Variants in MCTP1 observed in about 807,000 individuals in gnomAD.
The protein encoded by MCTP1 is multiple C2 and transmembrane domain-containing protein 1.
MCTP1 carries 69 observed loss-of-function variants against 120.6 expected under a neutral mutation model. The observed-to-expected ratio is 0.57, with a 90% CI of 0.47 to 0.70. The LOEUF is 0.70. Among genes scored for constraint, MCTP1 ranks in the 30% least tolerant of loss-of-function variants. The pLI, the probability that MCTP1 is intolerant of heterozygous loss-of-function variation, is 0.00. For synonymous variants in MCTP1, 529 were observed against 493.1 expected (o/e 1.07, Z -0.96); for missense variants, 1,203 against 1,248.8 (o/e 0.96, Z 0.55).
rs34823284 is a variant in MCTP1 at position 94,956,318 on chromosome 5, G to T, written c.839-2957C>A. Among the ~76,000 whole-genome samples, 4 of 132,680 alleles carry T rather than the reference G, an allele frequency of 3.0e-5. No individual in the cohort carries two copies. The East Asian group carries it at 8.0e-4, about 27-fold the overall frequency. The allele number at this position is 132,680 out of a possible 152,430, so 87.0% of individuals were successfully genotyped here. On this transcript the variant is annotated intron_variant, in intron 2 of 22. Transcript: ENST00000515393. Reference sequence around the variant, plus strand: ...CCACAAAGATGAGGAAAAAAACAGCGCAAAAAGGCTGAAAATTCCAAAAAC... The same window carrying T: ...CCACAAAGATGAGGAAAAAAACAGCTCAAAAAGGCTGAAAATTCCAAAAAC...
chr5:95,015,358 A>C (rs1836892278), intron 2 of MCTP1, among the ~76,000 whole-genome samples: 1 of 152,014 alleles, frequency 6.6e-6, no homozygotes, highest in African/African-American at 2.4e-5. Context: ...GGTTGATTTT[A>C]ATTATTTATC....
chr5:94,802,588 G>A (rs767223632), intron 17 of MCTP1, among the ~76,000 whole-genome samples: 6 of 152,146 alleles, frequency 3.9e-5, no homozygotes, highest in Non-Finnish European at 7.3e-5. Context: ...CTGGCCTTTA[G>A]TGTCCTACTA....
chr5:94,720,945 G>A (rs1409669348), intron 19 of MCTP1, among the ~76,000 whole-genome samples: 1 of 152,128 alleles, frequency 6.6e-6, no homozygotes, highest in Non-Finnish European at 1.5e-5. Context: ...CCACTCTACA[G>A]AAGAGGAAAC....
At chr5:95,161,083 A>G (rs1356767276) in intron 1 of MCTP1, among the ~76,000 whole-genome samples, 2 of 152,166 alleles carry the variant, frequency 1.3e-5, no homozygotes, top group Non-Finnish European at 2.9e-5. Context: ...CAGCAATCCT[A>G]CTTCTGGGTA....
intron 19 of MCTP1, among the ~76,000 whole-genome samples, chr5:94,741,812 G>T (rs1400012007): frequency 6.6e-6 from 1 of 152,210 alleles, no homozygotes; most frequent in Non-Finnish European, 1.5e-5. Flanking sequence ...CGTTGAATTA[G>T]AATTCTACTC....
At chr5:94,998,568 C>T (rs1833059036) in intron 2 of MCTP1, among the ~76,000 whole-genome samples, 1 of 152,148 alleles carries the variant, frequency 6.6e-6, no homozygotes, top group Non-Finnish European at 1.5e-5. Context: ...TGGCTCTTCC[C>T]CAAAGTGTGA....
chr5:94,989,719 C>G (rs1296381687), intron 2 of MCTP1, among the ~76,000 whole-genome samples: 2 of 152,150 alleles, frequency 1.3e-5, no homozygotes, highest in African/African-American at 4.8e-5. Flanking sequence ...AGGGTTAGAA[C>G]TTTCAACCCC....
intron 17 of MCTP1, among the ~76,000 whole-genome samples, chr5:94,855,585 A>G (rs992891988): frequency 3.3e-5 from 5 of 151,798 alleles, no homozygotes. Context: ...GTGAATCAAT[A>G]ATTTATACAG....
intron 1 of MCTP1, among the ~76,000 whole-genome samples, chr5:95,183,999 G>A (rs1043104631): frequency 6.6e-6 from 1 of 151,956 alleles, no homozygotes; most frequent in African/African-American, 2.4e-5. Context: ...ACACACCGGG[G>A]CCTGTTGGGG....
intron 17 of MCTP1, chr5:94,867,204 CAG>C (rs1304880219): frequency 4.7e-4 from 641 of 1,372,266 alleles, no homozygotes; most frequent in South Asian, 1.2e-3. Flanking sequence ...CTGAGAGAGA[CAG>C]AGAGAGAGAG....
intron 1 of MCTP1, among the ~76,000 whole-genome samples, chr5:95,143,471 G>T (rs975197236): frequency 7.2e-5 from 11 of 152,156 alleles, no homozygotes; most frequent in African/African-American, 2.4e-4. Context: ...TTTTACCCGG[G>T]TATATTGTGT....
At chr5:94,725,785 A>G (rs768099995) in intron 19 of MCTP1, among the ~76,000 whole-genome samples, 1 of 152,206 alleles carries the variant, frequency 6.6e-6, no homozygotes, top group Non-Finnish European at 1.5e-5. Context: ...AAATGAGGAT[A>G]ATAATTCAAC....
At chr5:94,757,096 G>A (rs897033730) in intron 19 of MCTP1, among the ~76,000 whole-genome samples, 1 of 152,162 alleles carries the variant, frequency 6.6e-6, no homozygotes, top group African/African-American at 2.4e-5. Flanking sequence ...CTACCTAATA[G>A]AGTTGTCATG....
At chr5:95,033,623 A>G (rs898799148) in intron 1 of MCTP1, among the ~76,000 whole-genome samples, 1 of 152,046 alleles carries the variant, frequency 6.6e-6, no homozygotes, top group Non-Finnish European at 1.5e-5. Flanking sequence ...CTAACATCAC[A>G]CTGAATGGGC....
intron 1 of MCTP1, among the ~76,000 whole-genome samples, chr5:95,204,906 T>A (rs1258500511): frequency 6.6e-6 from 1 of 152,102 alleles, no homozygotes; most frequent in African/African-American, 2.4e-5. Context: ...GAGGATTTAA[T>A]ATCATTAAGA....
intron 1 of MCTP1, among the ~76,000 whole-genome samples, chr5:95,030,286 A>T (rs986320480): frequency 1.3e-5 from 2 of 152,172 alleles, no homozygotes; most frequent in Non-Finnish European, 2.9e-5. Flanking sequence ...CTTCCTGCCA[A>T]TACCCCTTCA....
At chr5:95,041,885 T>C (rs1161513286) in intron 1 of MCTP1, among the ~76,000 whole-genome samples, 5 of 152,186 alleles carry the variant, frequency 3.3e-5, no homozygotes, top group Non-Finnish European at 1.5e-5. Context: ...AGAATATTAT[T>C]CATTTCTTTT....
chr5:95,242,771 G>A (rs1040841123), intron 1 of MCTP1, among the ~76,000 whole-genome samples: 9 of 152,128 alleles, frequency 5.9e-5, no homozygotes, highest in Non-Finnish European at 1.2e-4. Flanking sequence ...TTAAAGGGGA[G>A]CACAAGGAAA....
chr5:94,895,007 C>T (rs1179498442), intron 10 of MCTP1, among the ~76,000 whole-genome samples, 172 bp from the exon 11 acceptor site: 2 of 151,910 alleles, frequency 1.3e-5, no homozygotes, highest in African/African-American at 4.8e-5. Context: ...CCCTCATTAT[C>T]GTAGGGTCTG....
Sources: gnomAD v4.1 joint callset for allele counts (sites outside exome capture counted in the v4.1 genomes callset) on GRCh38, gnomAD v4.1.1 for gene constraint, MANE v1.5 for transcripts, NCBI Gene and HGNC (gene_info 2026-07-23, HGNC 2026-07-21) for gene names.